IFT172: variants seen among roughly 807,000 people sequenced by gnomAD.
IFT172 encodes the protein intraflagellar transport protein 172 homolog.
Under a neutral mutation model 248.9 loss-of-function variants are expected in IFT172, and 164 were observed. That is an observed-to-expected ratio of 0.66 (90% CI 0.58 to 0.75). The LOEUF is 0.75. IFT172 is among the 30% of genes least tolerant of loss of function. The pLI is 0.00. For missense variants in IFT172, 1,950 were observed against 2,192.4 expected (o/e 0.89, Z 2.21); for synonymous variants, 729 against 791.6 (o/e 0.92, Z 1.33).
chr2:27,459,910 TGGA>T (rs1374435448), intron 23 of IFT172, 81 bp from the exon 24 acceptor site: 5 of 1,570,496 alleles, frequency 3.2e-6, no homozygotes, highest in African/African-American at 1.3e-5. Context: ...AGATGAAGCA[TGGA>T]GAATAGGTAA....
At chr2:27,485,817 G>T (rs1668731189) in intron 1 of IFT172, among the ~76,000 whole-genome samples, 1 of 152,184 alleles carries the variant, frequency 6.6e-6, no homozygotes. Flanking sequence ...AATTAGTCTG[G>T]TAAGTTTTGG....
Position 27,478,032 on chromosome 2 carries a change from A to G in IFT172, c.1130T>C (p.Leu377Pro). 1 of 1,614,160 alleles carries G rather than the reference A, an allele frequency of 6.2e-7. No individual in the cohort carries two copies. Among genetic ancestry groups the G allele is most frequent in the Non-Finnish European group, 8.5e-7 (1 of 1,180,030 alleles). ...ATTAGTGTTCAGGTCCCCCAGCAGC[A>G]GTGTTTCTGATGTGTGAGCCACCAA... is the stretch of plus-strand genomic sequence containing the variant. ...RYLVAHTSET[L>P]LLGDLNTNRL... Residue 377 changes from leucine to proline, a missense_variant, in exon 11 of 48, where the codon CTG (leucine) becomes CCG (proline). By Grantham distance (98) the Leu-to-Pro change is moderately conservative. Coordinates refer to ENST00000260570, the MANE Select transcript of IFT172 (RefSeq NM_015662.3).
chr2:27,447,771 TGAG>T (rs1558354196), intron 41 of IFT172, 38 bp downstream of exon 41: 2 of 1,595,220 alleles, frequency 1.3e-6, no homozygotes, highest in Non-Finnish European at 8.6e-7. Flanking sequence ...AAAGAAGAGA[TGAG>T]GACAAGGACA....
In IFT172 at chr2:27,444,397, A is replaced by T. The variant is rs1424281137; in HGVS notation, c.*35T>A. 3.7e-6 allele frequency: 5 copies of T among 1,355,760 alleles called. No homozygotes were observed. Among genetic ancestry groups the T allele is most frequent in the Admixed American group, 1.8e-5 (1 of 55,632 alleles). 84.0% of individuals were successfully genotyped at this position (1,355,760 alleles called of 1,614,324 possible). ...CTCAATTATTTATAAAACTTTAATG[A>T]GGGAGAGGCCCTAACTCTTCCTCAG... On this transcript the variant is annotated 3_prime_UTR_variant, in exon 48 of 48. Transcript: ENST00000260570.
intron 3 of IFT172, among the ~76,000 whole-genome samples, 165 bp downstream of exon 3, chr2:27,484,853 G>A (rs770347953): frequency 6.6e-6 from 1 of 152,166 alleles, no homozygotes; most frequent in Non-Finnish European, 1.5e-5. Flanking sequence ...TGAAGAACAC[G>A]TGGGACAGGT....
chr2:27,450,159 T>A, intron 35 of IFT172, 63 bp from the exon 36 acceptor site: 1 of 1,210,394 alleles, frequency 8.3e-7, no homozygotes, highest in Non-Finnish European at 1.2e-6. Flanking sequence ...GTCCTCAGCC[T>A]CATCCATTTC....
chr2:27,445,582 TG>T lies in IFT172; in HGVS notation c.4915-134del. The T allele has an allele frequency of 7.7e-7, 1 of 1,294,472 alleles. No homozygotes were observed. The highest frequency in any genetic ancestry group is 1.1e-6 in the Non-Finnish European group (1 of 939,458). 80.2% of individuals were successfully genotyped at this position (1,294,472 alleles called of 1,614,324 possible). A position where few individuals can be genotyped will look rare whatever the true frequency, so the allele number is the denominator to read the frequency against. On this transcript the variant is annotated intron_variant, in intron 45 of 47. Transcript: ENST00000260570. The surrounding 1 kb of genome is among the most constrained non-coding windows in gnomAD (Gnocchi z 4.4). ...TTTTAGCCACGAATCCTCCTTGGATTGGGGGATGCAGTCACAGCCTTTTCTT... is the reference window on the plus strand; with the variant it reads ...TTTTAGCCACGAATCCTCCTTGGATTGGGGATGCAGTCACAGCCTTTTCTT...
At chr2:27,476,588 G>T (rs189769344) in intron 14 of IFT172, 53 bp downstream of exon 14, 2 of 1,098,016 alleles carry the variant, frequency 1.8e-6, no homozygotes, top group East Asian at 2.4e-5. Context: ...TGGTATGGAA[G>T]TGTGATATAA....
rs935438424 is a variant in IFT172, at chr2:27,454,295, G to A, written c.3530+59C>T. On this transcript the variant is annotated intron_variant, in intron 32 of 47. Coordinates refer to ENST00000260570, the MANE Select transcript of IFT172 (RefSeq NM_015662.3). The surrounding 1 kb of genome is among the most constrained non-coding windows in gnomAD (Gnocchi z 4.2). Reference sequence around the variant, plus strand: ...TTTGAATGAAGGTCAAGATAATCATGAAAGATCCTGGGACGGTGACTGGGG... The same window carrying A: ...TTTGAATGAAGGTCAAGATAATCATAAAAGATCCTGGGACGGTGACTGGGG... 2.5e-6 allele frequency: 4 copies of A among 1,610,382 alleles called. No individual in the cohort carries two copies. Among genetic ancestry groups the A allele is most frequent in the Middle Eastern group, 1.7e-4 (1 of 6,060 alleles).
At position 27,459,824 on chromosome 2, in the gene IFT172, C is replaced by T; in HGVS notation, c.2527G>A (p.Glu843Lys). 6.2e-7 allele frequency: 1 copy of T among 1,611,300 alleles called. No homozygotes were observed. Among genetic ancestry groups the T allele is most frequent in the Non-Finnish European group, 8.5e-7 (1 of 1,180,008 alleles). Reference sequence around the variant, plus strand: ...ACTGGGAAGGCCAATCGAGCCAGCTCTACCGCTGCCAGGGAGAGAAAAGAT... The same window carrying T: ...ACTGGGAAGGCCAATCGAGCCAGCTTTACCGCTGCCAGGGAGAGAAAAGAT... ...RKGNAFMKAV[E>K]LARLAFPVEV... The change falls in exon 24 of 48, where the codon GAG (glutamate) becomes AAG (lysine). Residue 843 changes from glutamate (E) to lysine (K), a missense_variant. By Grantham distance (56) the Glu-to-Lys change is moderately conservative. Transcript: ENST00000260570.
At position 27,485,378 on chromosome 2, in the gene IFT172, G is replaced by A; in HGVS notation, c.165C>T (p.Thr55=). The A allele has an allele frequency of 6.2e-7, 1 of 1,614,098 alleles. No individual in the cohort carries two copies. The highest frequency in any genetic ancestry group is 2.2e-5 in the East Asian group (1 of 44,882). The change falls in exon 2 of 48, where the codon ACC becomes ACT. Residue 55 remains threonine, a synonymous_variant. Coordinates refer to ENST00000260570, the MANE Select transcript of IFT172 (RefSeq NM_015662.3). ...EHGERRDKFS[T]KPADMKYGRK... is the part of the protein sequence containing the mutation. ...TGTTTACCTTCATGTCAGCTGGTTTGGTGGAGAATTTATCTCTCCGTTCTC... is the reference window on the plus strand; with the variant it reads ...TGTTTACCTTCATGTCAGCTGGTTTAGTGGAGAATTTATCTCTCCGTTCTC...
In IFT172 at chr2:27,444,511, C is replaced by T; in HGVS notation, c.5171G>A (p.Ser1724Asn). 6.2e-7 allele frequency: 1 copy of T among 1,613,350 alleles called. No homozygotes were observed. The highest frequency in any genetic ancestry group is 8.5e-7 in the Non-Finnish European group (1 of 1,179,612). ...KFLMAIKTSH[S>N]PVCQDVLKFI... ...TTTCAGCACGTCCTGGCACACTGGGCTGTGGGAGGTCTGTGAGCAAATGGA... is the reference window on the plus strand; with the variant it reads ...TTTCAGCACGTCCTGGCACACTGGGTTGTGGGAGGTCTGTGAGCAAATGGA... Residue 1724 changes from serine to asparagine, a missense_variant, in exon 48 of 48, where the codon AGC becomes AAC. Ser to Asn is a conservative substitution (Grantham distance 46). Around this residue, in one of 3 missense-constraint regions of IFT172, gnomAD observed 620 missense variants for 699.0 expected, o/e 0.89. Transcript: ENST00000260570.
Position 27,445,750 on chromosome 2 carries a change from C to T in IFT172, c.4909G>A (p.Val1637Ile), listed in dbSNP as rs571686284. 88 of 1,614,198 alleles carry T rather than the reference C, an allele frequency of 5.5e-5. 1 individual carries two copies. In the South Asian group the frequency reaches 8.1e-4, roughly 15 times the overall value. Reference protein sequence around the residue: ...FEVPLPAKQHVPEAEREEVRD... With the variant: ...FEVPLPAKQHIPEAEREEVRD... Reference sequence around the variant, plus strand: ...TTCCAACCCTGTGCCCTTACCGGTACATGCTGCTTAGCTGGGAGTGGCACC... The same window carrying T: ...TTCCAACCCTGTGCCCTTACCGGTATATGCTGCTTAGCTGGGAGTGGCACC... The change falls in exon 45 of 48, where the codon GTA (valine) becomes ATA (isoleucine). Residue 1637 changes from valine to isoleucine, a missense_variant. Around this residue, in one of 3 missense-constraint regions of IFT172, gnomAD observed 620 missense variants for 699.0 expected, o/e 0.89. Coordinates refer to ENST00000260570, the MANE Select transcript of IFT172 (RefSeq NM_015662.3). The surrounding 1 kb of genome is among the most constrained non-coding windows in gnomAD (Gnocchi z 4.4).
In IFT172 at chr2:27,483,270, C is replaced by T. The variant is rs761066634; in HGVS notation, c.570+19G>A. 2.2e-5 allele frequency: 31 copies of T among 1,426,228 alleles called. No individual in the cohort carries two copies. The Middle Eastern group carries it at 8.7e-4, about 40-fold the overall frequency. 88.3% of individuals were successfully genotyped at this position (1,426,228 alleles called of 1,614,324 possible). ...GGACTCAAGCAATCCAAGCCTCCCA[C>T]AACATTCTTTATTCATACCTGTGAC... On this transcript the variant is annotated intron_variant, in intron 7 of 47. Coordinates refer to ENST00000260570, the MANE Select transcript of IFT172 (RefSeq NM_015662.3).
intron 47 of IFT172, among the ~76,000 whole-genome samples, chr2:27,444,799 C>T (rs894942839): frequency 6.6e-6 from 1 of 152,152 alleles, no homozygotes; most frequent in African/African-American, 2.4e-5. Context: ...AGGTGCACGC[C>T]ACCAGACCCG....
chr2:27,468,233 TTTTG>T (rs1012235979), intron 16 of IFT172, among the ~76,000 whole-genome samples: 5 of 151,846 alleles, frequency 3.3e-5, no homozygotes, highest in East Asian at 2.0e-4. Context: ...GAGAAGATTT[TTTTG>T]TTTGTTTGTT....
chr2:27,465,933 G>A (rs1422907885), intron 16 of IFT172, 51 bp from the exon 17 acceptor site: 2 of 1,608,794 alleles, frequency 1.2e-6, no homozygotes, highest in Non-Finnish European at 1.7e-6. Context: ...AGTTTCCACT[G>A]AATCAATTAT....
At position 27,445,593 on chromosome 2, in the gene IFT172, G is replaced by T. The variant is rs1438679180; in HGVS notation, c.4915-144C>A. ...AATCCTCCTTGGATTGGGGGATGCA[G>T]TCACAGCCTTTTCTTTCTATTTTGC... On this transcript the variant is annotated intron_variant, in intron 45 of 47. Transcript: ENST00000260570. The surrounding 1 kb of genome is among the most constrained non-coding windows in gnomAD (Gnocchi z 4.4). 2 of 1,289,504 alleles carry T rather than the reference G, an allele frequency of 1.6e-6. No individual in the cohort carries two copies. Among genetic ancestry groups the T allele is most frequent in the Non-Finnish European group, 2.1e-6 (2 of 933,764 alleles). 79.9% of individuals were successfully genotyped at this position (1,289,504 alleles called of 1,614,324 possible). A position where few individuals can be genotyped will look rare whatever the true frequency, so the allele number is the denominator to read the frequency against.
At chr2:27,456,839 G>C (rs992639058) in intron 29 of IFT172, among the ~76,000 whole-genome samples, 186 bp from the exon 30 acceptor site, 4 of 152,106 alleles carry the variant, frequency 2.6e-5, no homozygotes, top group Non-Finnish European at 4.4e-5. Context: ...GAGGTCAGGA[G>C]TTCGAGACCA....
Sources: allele counts gnomAD v4.1 joint callset (sites outside exome capture counted in the v4.1 genomes callset), GRCh38; gene constraint gnomAD v4.1.1; regional missense constraint gnomAD v4.1.1; non-coding constraint Gnocchi (gnomAD v3.1); transcripts MANE v1.5; gene names NCBI Gene and HGNC (gene_info 2026-07-23, HGNC 2026-07-21).